The following TLR2 variants were observed in gnomAD, a reference collection of about 807,000 sequenced individuals.
TLR2 encodes the protein toll-like receptor 2.
In TLR2, 7 loss-of-function variants were observed where a neutral mutation model predicts 9.1. The ratio of observed to expected loss-of-function variants is 0.77; its 90% CI spans 0.44 to 1.44. The LOEUF (loss-of-function observed/expected upper bound fraction) is 1.44. Ranked by LOEUF, TLR2 falls within the 40% of genes most tolerant of loss-of-function variation. TLR2 has a pLI of 0.01. For missense variants in TLR2, 812 were observed against 904.6 expected (o/e 0.90, Z 1.31); for synonymous variants, 317 against 344.6 (o/e 0.92, Z 0.89).
chr4:153,707,133 G>C (rs1737359019), downstream of TLR2, among the ~76,000 whole-genome samples: 1 of 152,162 alleles, frequency 6.6e-6, no homozygotes. Flanking sequence ...GGATCCTGCT[G>C]TTTGCAGAAA....
downstream of TLR2, among the ~76,000 whole-genome samples, chr4:153,709,020 A>G (rs1186112087): frequency 2.0e-5 from 3 of 152,102 alleles, no homozygotes; most frequent in Non-Finnish European, 2.9e-5. Flanking sequence ...TCCACTGTGG[A>G]GAGCTTTCTT....
At chr4:153,707,461 G>C (rs111905892), downstream of TLR2, among the ~76,000 whole-genome samples, 1 of 152,050 alleles carries the variant, frequency 6.6e-6, no homozygotes, top group South Asian at 2.1e-4. Flanking sequence ...GAGGTGGGAG[G>C]ATCACCTGAG....
In TLR2 at chr4:153,703,458, CA is replaced by C. The variant is rs1737074179; in HGVS notation, c.552del (p.Asp185IlefsTer10). The C allele has an allele frequency of 6.2e-7, 1 of 1,613,596 alleles. No homozygotes were observed. The highest frequency in any genetic ancestry group is 8.5e-7 in the Non-Finnish European group (1 of 1,179,934). ...TFLEELEIDA[S>X]DLQSYEPKSL... is the part of the protein sequence containing the mutation. ...CTTGAGGAACTTGAGATTGATGCTTCAGATCTACAGAGCTATGAGCCAAAAA... is the reference window on the plus strand; with the variant it reads ...CTTGAGGAACTTGAGATTGATGCTTCGATCTACAGAGCTATGAGCCAAAAA... On this transcript the variant is annotated frameshift_variant, in exon 3 of 3. Coordinates refer to ENST00000642700, the MANE Select transcript of TLR2 (RefSeq NM_001318789.2). LOFTEE classifies it low-confidence loss of function (END_TRUNC).
chr4:153,710,202 T>C (rs571948475), downstream of TLR2: 4 of 530,936 alleles, frequency 7.5e-6, no homozygotes, highest in South Asian at 1.3e-4. Flanking sequence ...GTTTATTCCA[T>C]TGTTCAGCTT....
chr4:153,700,426 GA>G (rs1373963741), intron 2 of TLR2, among the ~76,000 whole-genome samples: 1 of 152,158 alleles, frequency 6.6e-6, no homozygotes, highest in East Asian at 1.9e-4. Flanking sequence ...ATAAGTTAAA[GA>G]AGACCTAAAT....
At chr4:153,694,174 T>C (rs926323034) in intron 2 of TLR2, among the ~76,000 whole-genome samples, 4 of 152,236 alleles carry the variant, frequency 2.6e-5, no homozygotes, top group Non-Finnish European at 1.5e-5. Flanking sequence ...AGCGATGGGC[T>C]CTGGCTAGAT....
chr4:153,694,277 A>G (rs1157595388), intron 2 of TLR2, among the ~76,000 whole-genome samples: 1 of 152,208 alleles, frequency 6.6e-6, no homozygotes, highest in South Asian at 2.1e-4. Context: ...TCTTGGGTGG[A>G]CCAGGTGTTC....
At chr4:153,690,597 G>C (rs116614041) in intron 2 of TLR2, among the ~76,000 whole-genome samples, 2 of 152,356 alleles carry the variant, frequency 1.3e-5, no homozygotes, top group Admixed American at 1.3e-4. Context: ...ACGAGGGAAC[G>C]TGTGACATCC....
At chr4:153,691,255 G>A (rs1034000473) in intron 2 of TLR2, among the ~76,000 whole-genome samples, 1 of 152,154 alleles carries the variant, frequency 6.6e-6, no homozygotes, top group African/African-American at 2.4e-5. Flanking sequence ...TTTCATTTTA[G>A]GAAAATGATT....
intron 2 of TLR2, 44 bp from the exon 3 acceptor site, chr4:153,702,848 T>C: frequency 6.7e-7 from 1 of 1,502,024 alleles, no homozygotes; most frequent in Non-Finnish European, 9.0e-7. Context: ...AATTACGATA[T>C]GCTGTCAAAC....
rs61735277 is a variant in TLR2, at chr4:153,704,619, G to A, written c.1712G>A (p.Arg571His). 5.2e-4 allele frequency: 835 copies of A among 1,613,440 alleles called. 2 individuals carry two copies. In the African/African-American group the frequency reaches 6.8e-3, roughly 13 times the overall value. The change falls in exon 3 of 3, where the codon CGT becomes CAT. Residue 571 changes from arginine (R) to histidine (H), a missense_variant. Physicochemically the swap from Arg to His is conservative, Grantham distance 29 (BLOSUM62 0). Transcript: ENST00000642700. ...NYLCDSPSHV[R>H]GQQVQDVRLS... ...CTGTGTGACTCTCCATCCCATGTGC[G>A]TGGCCAGCAGGTTCAGGATGTCCGC...
chr4:153,696,874 A>G (rs966282729), intron 2 of TLR2, among the ~76,000 whole-genome samples: 16 of 147,346 alleles, frequency 1.1e-4, no homozygotes, highest in African/African-American at 3.5e-4. Context: ...AAAAAAAAAA[A>G]GGAATTCTAA....
Position 153,703,105 on chromosome 4 carries a change from C to T in TLR2, c.198C>T (p.Tyr66=), listed in dbSNP as rs1301418811. The change falls in exon 3 of 3, where the codon TAC becomes TAT. Residue 66 remains tyrosine (Y), a synonymous_variant. Coordinates refer to ENST00000642700, the MANE Select transcript of TLR2 (RefSeq NM_001318789.2). ...ACCTGTCCAACAACAGGATCACCTA[C>T]ATTAGCAACAGTGACCTACAGAGGT... ...SLDLSNNRIT[Y]ISNSDLQRCV... is the part of the protein sequence containing the mutation. The T allele has an allele frequency of 3.7e-6, 6 of 1,614,066 alleles. No individual in the cohort carries two copies. The African/African-American group carries it at 8.0e-5, about 22-fold the overall frequency.
chr4:153,708,669 G>A (rs1214481829), downstream of TLR2, among the ~76,000 whole-genome samples: 2 of 152,170 alleles, frequency 1.3e-5, no homozygotes, highest in South Asian at 4.1e-4. Context: ...GCACAGATAA[G>A]CAGGCAAGGT....
At chr4:153,698,999 C>T (rs1008110721) in intron 2 of TLR2, among the ~76,000 whole-genome samples, 4 of 152,080 alleles carry the variant, frequency 2.6e-5, no homozygotes, top group Admixed American at 2.6e-4. Flanking sequence ...TAAATTATTC[C>T]AGAAACTGAA....
rs779986684 is a variant in TLR2 at position 153,703,946 on chromosome 4, A to G, written c.1039A>G (p.Lys347Glu). The change falls in exon 3 of 3, where the codon AAA (lysine) becomes GAA (glutamate). Residue 347 changes from lysine (K) to glutamate (E), a missense_variant. Transcript: ENST00000642700. ...TAAAAGAATCACAGTAGAAAACAGTAAAGTTTTTCTGGTTCCTTGTTTACT... is the reference window on the plus strand; with the variant it reads ...TAAAAGAATCACAGTAGAAAACAGTGAAGTTTTTCTGGTTCCTTGTTTACT... ...RVKRITVENS[K>E]VFLVPCLLSQ... is the part of the protein sequence containing the mutation. The G allele has an allele frequency of 8.1e-6, 13 of 1,611,894 alleles. No homozygotes were observed. The East Asian group carries it at 2.5e-4, about 30-fold the overall frequency.
intron 2 of TLR2, chr4:153,688,570 TA>T (rs1402332714): frequency 6.6e-6 from 1 of 152,530 alleles, no homozygotes; most frequent in African/African-American, 2.4e-5. Flanking sequence ...ATAGATTAAC[TA>T]AAAGTATTCC....
chr4:153,702,984 C>T lies in TLR2; in HGVS notation c.77C>T (p.Ala26Val), dbSNP rs145391095. Residue 26 changes from alanine (A) to valine (V), a missense_variant, in exon 3 of 3, where the codon GCT becomes GTT. Physicochemically the swap from Ala to Val is moderately conservative, Grantham distance 64. Coordinates refer to ENST00000642700, the MANE Select transcript of TLR2 (RefSeq NM_001318789.2). ...TCCAAGGAAGAATCCTCCAATCAGG[C>T]TTCTCTGTCTTGTGACCGCAATGGT... ...SLSKEESSNQ[A>V]SLSCDRNGIC... 1.1e-4 allele frequency: 182 copies of T among 1,614,078 alleles called. No individual in the cohort carries two copies. The African/African-American group carries it at 2.2e-3, about 20-fold the overall frequency.
At chr4:153,701,331 C>T (rs1033387149) in intron 2 of TLR2, among the ~76,000 whole-genome samples, 1 of 152,116 alleles carries the variant, frequency 6.6e-6, no homozygotes, top group African/African-American at 2.4e-5. Flanking sequence ...TGCCCTCTTG[C>T]GTTCTCCCAT....
Sources: gnomAD v4.1 joint callset for allele counts (sites outside exome capture counted in the v4.1 genomes callset) on GRCh38, gnomAD v4.1.1 for gene constraint, MANE v1.5 for transcripts, NCBI Gene and HGNC (gene_info 2026-07-23, HGNC 2026-07-21) for gene names.